Variants in CNTN4 observed in about 807,000 individuals in gnomAD.
The protein encoded by CNTN4 is contactin-4.
A neutral mutation model predicts 122.5 loss-of-function variants in CNTN4; 77 were observed. The observed-to-expected ratio is 0.63, with a 90% confidence interval of 0.52 to 0.76. CNTN4 has a LOEUF of 0.76. Among genes scored for constraint, CNTN4 ranks in the 30% least tolerant of loss-of-function variants. The probability of loss-of-function intolerance (pLI) is 0.00; values close to 1 mark genes in which losing one functional copy is unlikely to be tolerated. For missense variants in CNTN4, 1,256 were observed against 1,259.1 expected (o/e 1.00, Z 0.04); for synonymous variants, 512 against 447.0 (o/e 1.15, Z -1.83).
intron 4 of CNTN4, among the ~76,000 whole-genome samples, chr3:2,623,808 C>T (rs2082079793): frequency 6.6e-6 from 1 of 152,058 alleles, no homozygotes; most frequent in African/African-American, 2.4e-5. Context: ...CTAGGAAATC[C>T]AGATCAGTCA....
intron 7 of CNTN4, among the ~76,000 whole-genome samples, chr3:2,853,030 C>T (rs1465950932): frequency 6.6e-6 from 1 of 152,048 alleles, no homozygotes; most frequent in Non-Finnish European, 1.5e-5. Context: ...AATTAGTATA[C>T]AACTATTTTT....
intron 3 of CNTN4, among the ~76,000 whole-genome samples, chr3:2,436,128 A>T (rs1056089659): frequency 6.6e-6 from 1 of 152,188 alleles, no homozygotes; most frequent in Non-Finnish European, 1.5e-5. Flanking sequence ...TCCTTTGGCC[A>T]GTATTTTCAG....
intron 3 of CNTN4, among the ~76,000 whole-genome samples, chr3:2,346,023 G>A (rs965537253): frequency 2.6e-5 from 4 of 152,080 alleles, no homozygotes; most frequent in African/African-American, 9.7e-5. Flanking sequence ...TTTTTTCAGT[G>A]TGAATTTTCC....
At chr3:2,190,142 A>G (rs1386283238) in intron 2 of CNTN4, among the ~76,000 whole-genome samples, 1 of 152,198 alleles carries the variant, frequency 6.6e-6, no homozygotes, top group Non-Finnish European at 1.5e-5. Flanking sequence ...CTTTCTGCCC[A>G]ACTCTAACCT....
At chr3:2,473,246 A>AC (rs1211548891) in intron 3 of CNTN4, among the ~76,000 whole-genome samples, 2 of 117,118 alleles carry the variant, frequency 1.7e-5, no homozygotes, top group Non-Finnish European at 3.5e-5. Context: ...AAAAAAAAAA[A>AC]AAAAAACACC....
chr3:2,550,138 T>C (rs755223943), intron 3 of CNTN4, among the ~76,000 whole-genome samples: 21 of 152,184 alleles, frequency 1.4e-4, no homozygotes, highest in Non-Finnish European at 2.8e-4. Flanking sequence ...GTCAATCTTT[T>C]CAAAAAACCA....
chr3:2,702,881 T>A (rs1222367104), intron 4 of CNTN4, among the ~76,000 whole-genome samples: 1 of 152,198 alleles, frequency 6.6e-6, no homozygotes, highest in African/African-American at 2.4e-5. Context: ...TATACAGCAG[T>A]CTCTTGCCTG....
chr3:2,845,875 C>A (rs770098075), intron 7 of CNTN4, among the ~76,000 whole-genome samples: 2 of 152,144 alleles, frequency 1.3e-5, no homozygotes, highest in African/African-American at 4.8e-5. Flanking sequence ...TCATTTAGAT[C>A]TTTCATAACT....
chr3:2,776,568 TA>T (rs1354753611), intron 6 of CNTN4, among the ~76,000 whole-genome samples: 1 of 152,202 alleles, frequency 6.6e-6, no homozygotes, highest in East Asian at 1.9e-4. Flanking sequence ...CATTTTCTTT[TA>T]CACGTGAATT....
intron 8 of CNTN4, chr3:2,882,744 A>G: frequency 4.8e-6 from 1 of 209,878 alleles, no homozygotes; most frequent in Admixed American, 5.3e-5. Context: ...ATAATTAAGC[A>G]TGCAGGTATT....
chr3:2,404,935 A>C (rs764797411), intron 3 of CNTN4, among the ~76,000 whole-genome samples: 16 of 152,208 alleles, frequency 1.1e-4, no homozygotes, highest in Non-Finnish European at 4.4e-5. Flanking sequence ...TTCTTCGATA[A>C]GAAAGTAAAG....
chr3:3,033,487 T>C (rs4685593), intron 16 of CNTN4, among the ~76,000 whole-genome samples: 97,433 of 152,120 alleles, frequency 0.64, 31,628 homozygotes, highest in Middle Eastern at 0.72. Flanking sequence ...TTGCTGTTAA[T>C]TTTGCACTGC....
intron 4 of CNTN4, among the ~76,000 whole-genome samples, chr3:2,605,150 A>C (rs1391400405): frequency 6.6e-6 from 1 of 152,190 alleles, no homozygotes; most frequent in Non-Finnish European, 1.5e-5. Context: ...GACTCCAGGC[A>C]TGCACACCAT....
intron 2 of CNTN4, among the ~76,000 whole-genome samples, chr3:2,112,834 C>A (rs956453986): frequency 6.6e-6 from 1 of 152,204 alleles, no homozygotes; most frequent in African/African-American, 2.4e-5. Context: ...GAGAGAGACC[C>A]CCATCCATTT....
chr3:2,201,188 T>G lies in CNTN4; in HGVS notation c.-145+100549T>G, dbSNP rs1044889562. 5.3e-5 allele frequency among the ~76,000 whole-genome samples: 8 copies of G among 152,264 alleles called. No individual in the cohort carries two copies. In the East Asian group the frequency reaches 1.5e-3, roughly 29 times the overall value. ...TAGTAACCTCCCACAGGACAGGGCA[T>G]TTGCCCTCCAGAAAGTTGGACCTTA... On this transcript the variant is annotated intron_variant, in intron 2 of 24. Transcript: ENST00000418658.
chr3:2,217,496 C>T (rs2038894559), intron 2 of CNTN4, among the ~76,000 whole-genome samples: 2 of 152,154 alleles, frequency 1.3e-5, no homozygotes, highest in Admixed American at 1.3e-4. Flanking sequence ...CAAAACCAAA[C>T]AAAACTGTTT....
At chr3:2,298,032 ATCTGT>A (rs1391030735) in intron 2 of CNTN4, among the ~76,000 whole-genome samples, 4 of 152,164 alleles carry the variant, frequency 2.6e-5, no homozygotes, top group Non-Finnish European at 5.9e-5. Context: ...GTGCCTGGTC[ATCTGT>A]TATGTTAAGT....
At chr3:3,020,890 C>G (rs745898732) in intron 14 of CNTN4, among the ~76,000 whole-genome samples, 22 of 152,192 alleles carry the variant, frequency 1.4e-4, no homozygotes, top group Non-Finnish European at 2.9e-4. Flanking sequence ...CCCAGGTATA[C>G]TAATGTATTA....
intron 2 of CNTN4, among the ~76,000 whole-genome samples, chr3:2,124,472 A>ACACACACACACACC (rs761202551): frequency 2.3e-5 from 3 of 128,062 alleles, no homozygotes; most frequent in Admixed American, 8.1e-5. Context: ...ACACACACAC[A>ACACACACACACACC]CCCCCTTAAG....
Sources: allele counts gnomAD v4.1 joint callset (sites outside exome capture counted in the v4.1 genomes callset), GRCh38; gene constraint gnomAD v4.1.1; transcripts MANE v1.5; gene names NCBI Gene and HGNC (gene_info 2026-07-23, HGNC 2026-07-21).